The following DPP10 variants were observed in gnomAD, a reference collection of about 807,000 sequenced individuals.
The protein encoded by DPP10 is dipeptidyl peptidase like 10.
Under a neutral mutation model 120.9 loss-of-function variants are expected in DPP10, and 33 were observed. That is an observed-to-expected ratio of 0.27 (90% confidence interval 0.21 to 0.37). DPP10 has a LOEUF of 0.37. Among genes scored for constraint, DPP10 ranks in the 10% least tolerant of loss-of-function variants. The pLI is 1.00. For missense variants in DPP10, 816 were observed against 942.8 expected (o/e 0.87, Z 1.76); for synonymous variants, 337 against 326.1 (o/e 1.03, Z -0.36).
chr2:114,590,155 A>C (rs1275121687), intron 1 of DPP10, among the ~76,000 whole-genome samples: 1 of 152,138 alleles, frequency 6.6e-6, no homozygotes, highest in African/African-American at 2.4e-5. Flanking sequence ...ACAAACACAA[A>C]TAAAAATAGA....
chr2:114,477,948 CATATATGTGTGTATATGTAT>C (rs1680650233), intron 1 of DPP10, among the ~76,000 whole-genome samples: 19 of 147,010 alleles, frequency 1.3e-4, no homozygotes, highest in African/African-American at 4.9e-4. Flanking sequence ...TATATATGTA[CATATATGTGTGTATATGTAT>C]ATATGTGTAT....
intron 3 of DPP10, among the ~76,000 whole-genome samples, chr2:115,408,033 G>T (rs2104551355): frequency 6.6e-6 from 1 of 151,968 alleles, no homozygotes; most frequent in African/African-American, 2.4e-5. Context: ...CGTGAGGGAG[G>T]GAAAATGAAG....
At chr2:114,775,036 G>T (rs917191424) in intron 1 of DPP10, among the ~76,000 whole-genome samples, 7 of 152,020 alleles carry the variant, frequency 4.6e-5, no homozygotes, top group Admixed American at 3.9e-4. Context: ...ACCAGTAAGT[G>T]GCAGAGATGG....
chr2:115,203,626 T>TCCACACATAC (rs1310467773), intron 1 of DPP10, among the ~76,000 whole-genome samples: 1 of 151,900 alleles, frequency 6.6e-6, no homozygotes, highest in African/African-American at 2.4e-5. Flanking sequence ...ATTAAAAAGA[T>TCCACACATAC]CCACACATAC....
intron 1 of DPP10, among the ~76,000 whole-genome samples, chr2:114,543,573 T>C (rs1419904199): frequency 1.3e-5 from 2 of 152,194 alleles, no homozygotes; most frequent in East Asian, 3.8e-4. Context: ...ATATTCTTCA[T>C]GGCTCCTGTG....
At chr2:115,663,743 TC>T (rs1325758791) in intron 5 of DPP10, among the ~76,000 whole-genome samples, 1 of 152,122 alleles carries the variant, frequency 6.6e-6, no homozygotes, top group Non-Finnish European at 1.5e-5. Flanking sequence ...ACGCCTGTAA[TC>T]CCAGCACTTT....
chr2:114,449,674 T>G (rs1192972550), intron 1 of DPP10, among the ~76,000 whole-genome samples: 1 of 152,118 alleles, frequency 6.6e-6, no homozygotes, highest in Non-Finnish European at 1.5e-5. Flanking sequence ...TCTCCCCCAC[T>G]AACAGAAGGG....
At chr2:114,608,259 A>C (rs1289629062) in intron 1 of DPP10, among the ~76,000 whole-genome samples, 2 of 50 alleles carry the variant, frequency 0.04, no homozygotes, top group Non-Finnish European at 0.062. Context: ...TTGGATGATC[A>C]GTGCCATTCA....
At chr2:114,443,267 G>T (rs753433004) in intron 1 of DPP10, among the ~76,000 whole-genome samples, 3 of 152,050 alleles carry the variant, frequency 2.0e-5, no homozygotes, top group Non-Finnish European at 2.9e-5. Context: ...TTTAAAAAAA[G>T]CTCATCCTTC....
chr2:114,956,106 C>T (rs558189794), intron 1 of DPP10, among the ~76,000 whole-genome samples: 8 of 151,838 alleles, frequency 5.3e-5, no homozygotes, highest in African/African-American at 1.9e-4. Flanking sequence ...AGTAATAAGA[C>T]AAGAAAAAGA....
chr2:115,125,717 G>C (rs983922814), intron 1 of DPP10, among the ~76,000 whole-genome samples: 1 of 151,606 alleles, frequency 6.6e-6, no homozygotes, highest in African/African-American at 2.4e-5. Context: ...GACTACAGGT[G>C]CCCTCCACCA....
At chr2:115,565,505 A>G (rs11684865) in intron 5 of DPP10, among the ~76,000 whole-genome samples, 21,697 of 152,130 alleles carry the variant, frequency 0.14, 2,935 homozygotes, top group African/African-American at 0.35. Flanking sequence ...TAGAGGTCAT[A>G]TTCATATTTT....
intron 5 of DPP10, among the ~76,000 whole-genome samples, chr2:115,598,381 C>T (rs1158483709): frequency 6.6e-6 from 1 of 151,920 alleles, no homozygotes; most frequent in Non-Finnish European, 1.5e-5. Context: ...TCCCTGCCTT[C>T]TTCTTAATTA....
At chr2:114,838,997 CT>C (rs973223362) in intron 1 of DPP10, among the ~76,000 whole-genome samples, 5 of 152,138 alleles carry the variant, frequency 3.3e-5, no homozygotes, top group African/African-American at 1.2e-4. Flanking sequence ...ATCATATCCT[CT>C]GTTTTTTAAT....
At chr2:115,685,014 C>T (rs140663967) in intron 5 of DPP10, among the ~76,000 whole-genome samples, 2 of 151,998 alleles carry the variant, frequency 1.3e-5, no homozygotes, top group African/African-American at 2.4e-5. Flanking sequence ...AAGATTAAAT[C>T]GCAAAGTGGA....
intron 1 of DPP10, among the ~76,000 whole-genome samples, chr2:115,289,503 A>AAAGAAAAAAAAAAAAAAAAAAAAAAAAT (rs70941042): frequency 1.0e-5 from 1 of 96,268 alleles, no homozygotes; most frequent in Non-Finnish European, 2.0e-5. Flanking sequence ...AAAAAAAAAA[A>AAAGAAAAAAAAAAAAAAAAAAAAAAAAT]AGGAAGAAAA....
At chr2:115,062,947 G>T (rs1706535405) in intron 1 of DPP10, among the ~76,000 whole-genome samples, 1 of 152,074 alleles carries the variant, frequency 6.6e-6, no homozygotes, top group Admixed American at 6.6e-5. Context: ...CTGGTTCTAG[G>T]TCTTTGAGGA....
At chr2:114,755,737 C>T (rs1679669984) in intron 1 of DPP10, among the ~76,000 whole-genome samples, 1 of 152,072 alleles carries the variant, frequency 6.6e-6, no homozygotes, top group Non-Finnish European at 1.5e-5. Flanking sequence ...AAGGCCCAGG[C>T]AAAGAAGAAT....
At position 115,710,593 on chromosome 2, in the gene DPP10, AT is replaced by A. The variant is rs576918247; in HGVS notation, c.577-17215del. Among the ~76,000 whole-genome samples the A allele has an allele frequency of 8.4e-4, 128 of 151,994 alleles. 2 individuals are homozygous for A. The South Asian group carries it at 0.018, about 22-fold the overall frequency. ...CATCATGGATTCATAAACAATGTTC[AT>A]TTTTTTTCTAACATTTGGATTACGA... On this transcript the variant is annotated intron_variant, in intron 7 of 25. Coordinates refer to ENST00000410059, the MANE Select transcript of DPP10 (RefSeq NM_020868.6).
Sources: gnomAD v4.1 joint callset for allele counts (sites outside exome capture counted in the v4.1 genomes callset) on GRCh38, gnomAD v4.1.1 for gene constraint, MANE v1.5 for transcripts, NCBI Gene and HGNC (gene_info 2026-07-23, HGNC 2026-07-21) for gene names.